VPS54: variants seen among roughly 807,000 people sequenced by gnomAD.
The protein encoded by VPS54 is vacuolar protein sorting-associated protein 54.
Under a neutral mutation model 121.5 loss-of-function variants are expected in VPS54, and 45 were observed. The observed-to-expected ratio is 0.37, with a 90% confidence interval of 0.29 to 0.47. The LOEUF is 0.47. VPS54 is among the 20% of genes least tolerant of loss of function. The probability of loss-of-function intolerance (pLI) is 0.99; values close to 1 mark genes in which losing one functional copy is unlikely to be tolerated. For synonymous variants in VPS54, 371 were observed against 385.8 expected, an observed-to-expected ratio of 0.96 and a Z score of 0.45; for missense variants, 1,090 against 1,131.4, an observed-to-expected ratio of 0.96 and a Z score of 0.52.
At chr2:63,932,066 AATTAGTTCAACC>A (rs1674235312) in intron 12 of VPS54, among the ~76,000 whole-genome samples, 1 of 152,218 alleles carries the variant, frequency 6.6e-6, no homozygotes, top group Admixed American at 6.5e-5. Context: ...TGGGAGTGTT[AATTAGTTCAACC>A]ATTGTGGAAG....
intron 22 of VPS54, among the ~76,000 whole-genome samples, chr2:63,895,568 G>A (rs182848928): frequency 1.2e-4 from 18 of 152,266 alleles, no homozygotes; most frequent in African/African-American, 4.1e-4. Context: ...TAGAGGTGGC[G>A]GTTACGCATC....
Position 63,914,173 on chromosome 2 carries a change from C to T in VPS54, c.2334+9G>A. On this transcript the variant is annotated intron_variant, in intron 17 of 22. Transcript: ENST00000272322. The stretch of plus-strand genomic sequence containing the variant: ...AAATTTTTCCATAATGGAGTGAAGT[C>T]ATACATACCTTCAATAAATCTGACA... 1.3e-6 allele frequency: 2 copies of T among 1,598,610 alleles called. No individual in the cohort carries two copies. The highest frequency in any genetic ancestry group is 1.7e-6 in the Non-Finnish European group (2 of 1,166,742).
chr2:64,006,724 T>C (rs1158658220), intron 1 of VPS54, among the ~76,000 whole-genome samples: 1 of 152,188 alleles, frequency 6.6e-6, no homozygotes, highest in Non-Finnish European at 1.5e-5. Flanking sequence ...TTTCAAGCCA[T>C]TCTCCTGCCT....
At chr2:64,011,058 G>A (rs937290876) in intron 1 of VPS54, among the ~76,000 whole-genome samples, 1 of 152,012 alleles carries the variant, frequency 6.6e-6, no homozygotes, top group Non-Finnish European at 1.5e-5. Context: ...ATATTGACTA[G>A]GAGGATAAAA....
chr2:63,993,395 C>T (rs1202677356), intron 1 of VPS54, among the ~76,000 whole-genome samples: 1 of 152,194 alleles, frequency 6.6e-6, no homozygotes, highest in African/African-American at 2.4e-5. Context: ...TCAGACCATC[C>T]AGTTATCTAG....
At chr2:63,922,967 C>A (rs1673713548) in intron 12 of VPS54, among the ~76,000 whole-genome samples, 1 of 151,836 alleles carries the variant, frequency 6.6e-6, no homozygotes, top group African/African-American at 2.4e-5. Flanking sequence ...ATCCAAAAAG[C>A]CCAAAGTTAG....
Position 63,944,635 on chromosome 2 carries a change from T to C in VPS54, c.1266A>G (p.Ser422=), listed in dbSNP as rs987086738. The C allele has an allele frequency of 9.3e-6, 15 of 1,609,962 alleles. No individual in the cohort carries two copies. The highest frequency in any genetic ancestry group is 1.3e-5 in the Non-Finnish European group (15 of 1,178,488). ...CATCTGTGTCTATTTCTTCTGTTTGTGAAACTTTATTAATCACACACTGCA... is the reference window on the plus strand; with the variant it reads ...CATCTGTGTCTATTTCTTCTGTTTGCGAAACTTTATTAATCACACACTGCA... ...IIKQCVINKV[S]QTEEIDTDVV... Residue 422 remains serine (S), a synonymous_variant, in exon 10 of 23, where the codon TCA becomes TCG. Transcript: ENST00000272322.
chr2:63,919,798 T>C, intron 15 of VPS54, 85 bp downstream of exon 15: 2 of 960,774 alleles, frequency 2.1e-6, no homozygotes, highest in Non-Finnish European at 2.9e-6. Context: ...AAATAGGCAT[T>C]GTCAACTAAA....
At chr2:63,929,669 G>A (rs1297263024) in intron 12 of VPS54, among the ~76,000 whole-genome samples, 2 of 149,666 alleles carry the variant, frequency 1.3e-5, no homozygotes, top group Non-Finnish European at 3.0e-5. Flanking sequence ...TAAGATCAGA[G>A]CAGAACTGAA....
chr2:63,929,906 A>T (rs1674105503), intron 12 of VPS54, among the ~76,000 whole-genome samples: 1 of 152,206 alleles, frequency 6.6e-6, no homozygotes, highest in African/African-American at 2.4e-5. Context: ...TAAACTAGAA[A>T]ATCTAGAAGA....
intron 1 of VPS54, among the ~76,000 whole-genome samples, chr2:63,988,956 G>A (rs1311996573): frequency 6.6e-6 from 1 of 152,146 alleles, no homozygotes. Context: ...TCCCCAGTAA[G>A]GAATATTAAT....
chr2:63,996,048 G>A (rs1164637786), intron 1 of VPS54, among the ~76,000 whole-genome samples: 1 of 152,034 alleles, frequency 6.6e-6, no homozygotes, highest in Non-Finnish European at 1.5e-5. Flanking sequence ...TTAGTGTGCT[G>A]GACCAGTCAA....
rs765118133 is a variant in VPS54, at chr2:63,913,180, C to G, written c.2422+43G>C. On this transcript the variant is annotated intron_variant, in intron 18 of 22. Coordinates refer to ENST00000272322, the MANE Select transcript of VPS54 (RefSeq NM_016516.3). ...AAACATGATGAGAACAGTGACATCA[C>G]TGTTAACACTTCAGCAAGTGAATTA... 4 of 1,527,940 alleles carry G rather than the reference C, an allele frequency of 2.6e-6. No homozygotes were observed. In the South Asian group the frequency reaches 4.7e-5, roughly 18 times the overall value. 94.6% of individuals were successfully genotyped at this position (1,527,940 alleles called of 1,614,324 possible).
rs372995811 is a variant in VPS54, at chr2:63,920,605, T to A, written c.1892A>T (p.Asn631Ile). Residue 631 changes from asparagine to isoleucine, a missense_variant, in exon 14 of 23, where the codon AAT becomes ATT. By Grantham distance (149) the Asn-to-Ile change is moderately radical. Transcript: ENST00000272322. ...RAKDGFLEKL[N>I]SMEFITLSRL... is the part of the protein sequence containing the mutation. ...AGAAAGTGTTATGAATTCCATGGAA[T>A]TTAGCTTCTCAAGAAAACCATCCTA... 2 of 1,511,936 alleles carry A rather than the reference T, an allele frequency of 1.3e-6. No homozygotes were observed. The highest frequency in any genetic ancestry group is 2.9e-5 in the African/African-American group (2 of 69,902). 93.7% of individuals were successfully genotyped at this position (1,511,936 alleles called of 1,614,324 possible).
At chr2:63,923,833 T>G (rs966723643) in intron 12 of VPS54, among the ~76,000 whole-genome samples, 1 of 152,344 alleles carries the variant, frequency 6.6e-6, no homozygotes, top group East Asian at 1.9e-4. Flanking sequence ...CTAACAAAGT[T>G]AGAACGTCAG....
At position 63,944,602 on chromosome 2, in the gene VPS54, CACA is replaced by C. The variant is rs780134965; in HGVS notation, c.1296_1298del (p.Val433del). 1.9e-4 allele frequency: 313 copies of C among 1,609,720 alleles called. No homozygotes were observed. Among genetic ancestry groups the C allele is most frequent in the East Asian group, 4.2e-4 (19 of 44,768 alleles). ...CCAACCTATATATTTATACTTACTT[CACA>C]ACAACATCTGTGTCTATTTCTTCTG... On this transcript the variant is annotated inframe_deletion, in exon 10 of 23. Coordinates refer to ENST00000272322, the MANE Select transcript of VPS54 (RefSeq NM_016516.3).
At position 64,002,894 on chromosome 2, in the gene VPS54, G is replaced by C. The variant is rs1489014657; in HGVS notation, c.-21+16044C>G. ...CTCTTCACTGCCTTCACCATCCACA[G>C]CTTATTATTAAAAAGATCTCCCTAC... On this transcript the variant is annotated intron_variant, in intron 1 of 22. Coordinates refer to ENST00000272322, the MANE Select transcript of VPS54 (RefSeq NM_016516.3). Among the ~76,000 whole-genome samples, 3 of 152,092 alleles carry C rather than the reference G, an allele frequency of 2.0e-5. No individual in the cohort carries two copies. The East Asian group carries it at 5.8e-4, about 29-fold the overall frequency.
rs139298957 is a variant in VPS54, at chr2:63,971,463, C to T, written c.457+703G>A. ...ACCACTGCCTATGCTTCAGTCTCATCTCTTGCTCCCAGTAGAACCAATATA... is the reference window on the plus strand; with the variant it reads ...ACCACTGCCTATGCTTCAGTCTCATTTCTTGCTCCCAGTAGAACCAATATA... On this transcript the variant is annotated intron_variant, in intron 4 of 22. Transcript: ENST00000272322. Among the ~76,000 whole-genome samples the T allele has an allele frequency of 1.3e-3, 201 of 152,334 alleles. 1 individual carries two copies. Among genetic ancestry groups the T allele is most frequent in the African/African-American group, 4.7e-3 (194 of 41,576 alleles).
At chr2:63,904,993 T>C (rs1672842594) in intron 20 of VPS54, among the ~76,000 whole-genome samples, 1 of 152,034 alleles carries the variant, frequency 6.6e-6, no homozygotes, top group Non-Finnish European at 1.5e-5. Flanking sequence ...GAAAATATTT[T>C]GAAATAAATA....
Sources: gnomAD v4.1 joint callset for allele counts (sites outside exome capture counted in the v4.1 genomes callset) on GRCh38, gnomAD v4.1.1 for gene constraint, MANE v1.5 for transcripts, NCBI Gene and HGNC (gene_info 2026-07-23, HGNC 2026-07-21) for gene names.